The following SGCZ variants were observed in gnomAD, a reference collection of about 807,000 sequenced individuals.
SGCZ encodes the protein zeta-sarcoglycan.
Under a neutral mutation model 41.3 loss-of-function variants are expected in SGCZ, and 40 were observed. The observed-to-expected ratio is 0.97, with a 90% CI of 0.75 to 1.26. The LOEUF (loss-of-function observed/expected upper bound fraction) is 1.26. Among genes scored for constraint, SGCZ ranks in the 50% most tolerant of loss-of-function variants. The probability of loss-of-function intolerance (pLI) is 0.00; values close to 1 mark genes in which losing one functional copy is unlikely to be tolerated. For missense variants in SGCZ, 552 were observed against 369.8 expected (o/e 1.49, Z -4.04); for synonymous variants, 206 against 137.5 (o/e 1.50, Z -3.49).
chr8:15,119,499 T>C (rs946520193), intron 1 of SGCZ, among the ~76,000 whole-genome samples: 2 of 149,550 alleles, frequency 1.3e-5, no homozygotes, highest in Non-Finnish European at 2.9e-5. Flanking sequence ...GCCACTGCAC[T>C]CAGCCTAGGC....
At chr8:14,154,457 G>A (rs1233726263) in intron 5 of SGCZ, among the ~76,000 whole-genome samples, 3 of 152,072 alleles carry the variant, frequency 2.0e-5, no homozygotes, top group Non-Finnish European at 4.4e-5. Flanking sequence ...TTTTGTTATG[G>A]GACCCTAAGC....
chr8:14,452,548 T>C (rs1376515271), intron 2 of SGCZ, among the ~76,000 whole-genome samples: 1 of 152,060 alleles, frequency 6.6e-6, no homozygotes, highest in Non-Finnish European at 1.5e-5. Flanking sequence ...TGGGCATGCA[T>C]ATACTTTTTA....
At chr8:14,630,165 G>C (rs1806597904) in intron 1 of SGCZ, among the ~76,000 whole-genome samples, 1 of 151,902 alleles carries the variant, frequency 6.6e-6, no homozygotes, top group Non-Finnish European at 1.5e-5. Context: ...TTGCATTTGT[G>C]GGGTAACAGT....
chr8:14,334,228 A>G (rs1802431491), intron 2 of SGCZ, among the ~76,000 whole-genome samples: 1 of 152,028 alleles, frequency 6.6e-6, no homozygotes, highest in Non-Finnish European at 1.5e-5. Context: ...TTTCTTCTAG[A>G]CTCATAAGAC....
chr8:14,973,414 G>A (rs1418180464), intron 1 of SGCZ, among the ~76,000 whole-genome samples: 1 of 152,154 alleles, frequency 6.6e-6, no homozygotes, highest in African/African-American at 2.4e-5. Context: ...GTGGGCCCAT[G>A]CTTTTCTCAC....
chr8:14,641,069 G>A (rs112515453), intron 1 of SGCZ, among the ~76,000 whole-genome samples: 7 of 151,664 alleles, frequency 4.6e-5, no homozygotes, highest in African/African-American at 1.7e-4. Flanking sequence ...TTCCCATCTT[G>A]TCCAGTGGTA....
intron 2 of SGCZ, among the ~76,000 whole-genome samples, chr8:14,497,306 G>T (rs146550713): frequency 6.6e-6 from 1 of 152,268 alleles, no homozygotes; most frequent in Admixed American, 6.5e-5. Context: ...GGGAGCCAGC[G>T]TGTCTCATGG....
In SGCZ at chr8:14,548,727, G is replaced by A. The variant is rs572259561; in HGVS notation, c.234+6005C>T. Among the ~76,000 whole-genome samples, 9 of 152,208 alleles carry A rather than the reference G, an allele frequency of 5.9e-5. No individual in the cohort carries two copies. In the South Asian group the frequency reaches 1.9e-3, roughly 32 times the overall value. On this transcript the variant is annotated intron_variant, in intron 2 of 7. Transcript: ENST00000382080. ...TTAGTGGGGGCTTATTTTGTTTGGT[G>A]TATGTGCCTGTGCATGTGTATGTGT...
At chr8:14,252,616 G>C (rs1799324106) in intron 3 of SGCZ, among the ~76,000 whole-genome samples, 2 of 152,124 alleles carry the variant, frequency 1.3e-5, no homozygotes, top group African/African-American at 4.8e-5. Flanking sequence ...TCTAGAGAAA[G>C]TTTGTATTGT....
intron 1 of SGCZ, among the ~76,000 whole-genome samples, chr8:15,155,627 A>C (rs1799307519): frequency 6.6e-6 from 1 of 152,204 alleles, no homozygotes; most frequent in African/African-American, 2.4e-5. Context: ...TATTAATATA[A>C]TTCTCTGCAG....
chr8:14,825,513 A>G (rs139096052), intron 1 of SGCZ, among the ~76,000 whole-genome samples: 2 of 152,332 alleles, frequency 1.3e-5, no homozygotes, highest in African/African-American at 2.4e-5. Flanking sequence ...AATAATTGTG[A>G]CTTTAAATTT....
intron 5 of SGCZ, among the ~76,000 whole-genome samples, chr8:14,159,401 C>T (rs759871173): frequency 4.6e-5 from 7 of 152,058 alleles, no homozygotes; most frequent in African/African-American, 7.2e-5. Flanking sequence ...TGAAGAGGAC[C>T]GTTGGTAAGG....
At chr8:14,626,344 C>T (rs1015732533) in intron 1 of SGCZ, among the ~76,000 whole-genome samples, 1 of 152,028 alleles carries the variant, frequency 6.6e-6, no homozygotes, top group Non-Finnish European at 1.5e-5. Flanking sequence ...TGTGTTGTTC[C>T]CCTCCCTGTA....
chr8:14,221,834 T>A (rs1031312483), intron 4 of SGCZ, among the ~76,000 whole-genome samples: 1 of 151,890 alleles, frequency 6.6e-6, no homozygotes, highest in African/African-American at 2.4e-5. Context: ...CTGGGTGTAA[T>A]GGCGTGTGCC....
intron 1 of SGCZ, among the ~76,000 whole-genome samples, chr8:15,019,133 C>T (rs554254657): frequency 6.6e-5 from 10 of 152,146 alleles, no homozygotes; most frequent in Non-Finnish European, 1.5e-4. Flanking sequence ...TGGAAGATTA[C>T]AACTGGATGA....
chr8:14,782,538 G>A (rs958307709), intron 1 of SGCZ, among the ~76,000 whole-genome samples: 1 of 152,122 alleles, frequency 6.6e-6, no homozygotes, highest in African/African-American at 2.4e-5. Flanking sequence ...GCATTTTGCA[G>A]ATACAAACGA....
intron 1 of SGCZ, among the ~76,000 whole-genome samples, chr8:15,087,017 T>C (rs888691462): frequency 1.3e-5 from 2 of 152,184 alleles, no homozygotes; most frequent in African/African-American, 4.8e-5. Context: ...ACATGGGATT[T>C]GAATTCACAC....
chr8:14,652,345 A>AGGG (rs1554473402), intron 1 of SGCZ, among the ~76,000 whole-genome samples: 3 of 4,436 alleles, frequency 6.8e-4, no homozygotes, highest in Non-Finnish European at 1.5e-3. Flanking sequence ...AAAAAAAAAA[A>AGGG]AGGGGGGGGT....
At chr8:15,005,412 A>T (rs1353954672) in intron 1 of SGCZ, among the ~76,000 whole-genome samples, 1 of 145,668 alleles carries the variant, frequency 6.9e-6, no homozygotes, top group Non-Finnish European at 1.5e-5. Flanking sequence ...GCTCATCACA[A>T]CCTCTGCCTC....
Sources: allele counts gnomAD v4.1 joint callset (sites outside exome capture counted in the v4.1 genomes callset), GRCh38; gene constraint gnomAD v4.1.1; transcripts MANE v1.5; gene names NCBI Gene and HGNC (gene_info 2026-07-23, HGNC 2026-07-21).